The following EVC variants were observed in gnomAD, a reference collection of about 807,000 sequenced individuals.
EVC encodes the protein evC complex member EVC.
In EVC, 116 loss-of-function variants were observed where a neutral mutation model predicts 118.9. That is an observed-to-expected ratio of 0.98 (90% CI 0.84 to 1.14). The LOEUF is 1.14. Among genes scored for constraint, EVC ranks in the 50% most tolerant of loss-of-function variants. EVC has a pLI of 0.00. For synonymous variants in EVC, 619 were observed against 534.7 expected (o/e 1.16, Z -2.18); for missense variants, 1,401 against 1,246.4 (o/e 1.12, Z -1.87).
intron 5 of EVC, among the ~76,000 whole-genome samples, chr4:5,735,008 C>T (rs1436941606): frequency 1.3e-5 from 2 of 152,176 alleles, no homozygotes; most frequent in African/African-American, 2.4e-5. Context: ...CCACAGCCAG[C>T]GAGTGTCCAC....
At chr4:5,766,101 G>C (rs1001288893) in intron 11 of EVC, among the ~76,000 whole-genome samples, 1 of 136,950 alleles carries the variant, frequency 7.3e-6, no homozygotes, top group African/African-American at 2.8e-5. Context: ...CAGGCCTGGT[G>C]GTGACAAAAT....
intron 15 of EVC, 155 bp from the exon 16 acceptor site, chr4:5,801,795 C>G: frequency 2.7e-6 from 2 of 751,962 alleles, no homozygotes; most frequent in Non-Finnish European, 4.6e-6. Context: ...TAGTTTAAAC[C>G]AGCCATGCAC....
At chr4:5,739,899 CAA>C (rs11343689) in intron 5 of EVC, among the ~76,000 whole-genome samples, 219 of 120,512 alleles carry the variant, frequency 1.8e-3, no homozygotes, top group South Asian at 6.1e-3. Flanking sequence ...AACCCCATCT[CAA>C]AAAAAAAAAA....
chr4:5,771,166 G>A (rs1044981673), intron 11 of EVC, among the ~76,000 whole-genome samples: 8 of 152,120 alleles, frequency 5.3e-5, no homozygotes, highest in African/African-American at 1.9e-4. Flanking sequence ...CATTTCTGGA[G>A]GTCAGAAGTC....
At chr4:5,807,827 G>A (rs1716172731) in intron 17 of EVC, among the ~76,000 whole-genome samples, 1 of 152,346 alleles carries the variant, frequency 6.6e-6, no homozygotes, top group South Asian at 2.1e-4. Flanking sequence ...GTTTTCTCAT[G>A]AGAAGATGCC....
chr4:5,717,298 C>G (rs1724127941), intron 1 of EVC, among the ~76,000 whole-genome samples: 1 of 152,120 alleles, frequency 6.6e-6, no homozygotes, highest in South Asian at 2.1e-4. Context: ...GGAATACCTT[C>G]TCTGATCTCT....
intron 12 of EVC, among the ~76,000 whole-genome samples, chr4:5,788,039 C>A (rs1712036232): frequency 6.6e-6 from 1 of 152,160 alleles, no homozygotes; most frequent in African/African-American, 2.4e-5. Context: ...CCCTTCCCAG[C>A]TCCTTAATTT....
chr4:5,819,674 C>T, the EVC span, among the ~76,000 whole-genome samples: 1 of 152,236 alleles, frequency 6.6e-6, no homozygotes, highest in Non-Finnish European at 1.5e-5. Flanking sequence ...GCCCAGAGAA[C>T]AGGCTGGATA....
rs536598022 is a variant in EVC at position 5,740,302 on chromosome 4, C to G, written c.703-1414C>G. Reference sequence around the variant, plus strand: ...CCTGGCCAACATGGTGAAACCTCGTCTCTACTAAAAATACAAAAATTAGCC... The same window carrying G: ...CCTGGCCAACATGGTGAAACCTCGTGTCTACTAAAAATACAAAAATTAGCC... On this transcript the variant is annotated intron_variant, in intron 5 of 20. Coordinates refer to ENST00000264956, the MANE Select transcript of EVC (RefSeq NM_153717.3). Among the ~76,000 whole-genome samples the G allele has an allele frequency of 2.0e-5, 3 of 152,096 alleles. No individual in the cohort carries two copies. In the South Asian group the frequency reaches 6.2e-4, roughly 32 times the overall value.
rs1301384843 is a variant in EVC, at chr4:5,711,376, C to T, written c.-5C>T. ...TGCGGCGGGGCGGCAGCCTGAGCGC[C>T]CCGGATGGCCCGCGGCGGGGCGGCC... On this transcript the variant is annotated 5_prime_UTR_variant, in exon 1 of 21. Coordinates refer to ENST00000264956, the MANE Select transcript of EVC (RefSeq NM_153717.3). 5.9e-6 allele frequency: 6 copies of T among 1,009,770 alleles called. No homozygotes were observed. The highest frequency in any genetic ancestry group is 7.1e-6 in the Non-Finnish European group (6 of 848,070). 62.6% of individuals were successfully genotyped at this position (1,009,770 alleles called of 1,614,324 possible). A position where few individuals can be genotyped will look rare whatever the true frequency, so the allele number is the denominator to read the frequency against.
chr4:5,726,617 T>G (rs1295333570), intron 2 of EVC, among the ~76,000 whole-genome samples: 1 of 147,140 alleles, frequency 6.8e-6, no homozygotes, highest in Non-Finnish European at 1.5e-5. Flanking sequence ...CATGTGCACA[T>G]TGTGCAGGTT....
At chr4:5,816,562 C>G (rs1717705807), downstream of EVC, among the ~76,000 whole-genome samples, 1 of 151,692 alleles carries the variant, frequency 6.6e-6, no homozygotes, top group Non-Finnish European at 1.5e-5. Context: ...CCTTTCTACC[C>G]TCTCTTCACT....
chr4:5,779,743 T>C (rs35439930), intron 11 of EVC, among the ~76,000 whole-genome samples: 58,578 of 116,564 alleles, frequency 0.5, 14,626 homozygotes, highest in African/African-American at 0.65. Context: ...GATTTTGGGC[T>C]GAGACAATGG....
chr4:5,780,760 G>C (rs548145199), intron 11 of EVC, among the ~76,000 whole-genome samples: 2 of 152,188 alleles, frequency 1.3e-5, no homozygotes, highest in Non-Finnish European at 2.9e-5. Flanking sequence ...AGATGACCAG[G>C]TTCAGTGGTT....
chr4:5,816,265 C>T (rs531218356), downstream of EVC, among the ~76,000 whole-genome samples: 1 of 152,290 alleles, frequency 6.6e-6, no homozygotes, highest in East Asian at 1.9e-4. Flanking sequence ...CCGCCTTGTT[C>T]TGGCTGTGGT....
intron 19 of EVC, among the ~76,000 whole-genome samples, chr4:5,809,915 A>G (rs1368235306): frequency 6.6e-6 from 1 of 152,174 alleles, no homozygotes; most frequent in Non-Finnish European, 1.5e-5. Context: ...GCCAGCGACA[A>G]CTTCAGTGAC....
chr4:5,770,464 G>A (rs898470034), intron 11 of EVC, among the ~76,000 whole-genome samples: 1 of 152,176 alleles, frequency 6.6e-6, no homozygotes, highest in African/African-American at 2.4e-5. Context: ...ATTAAGTGCT[G>A]CATGGCACTG....
chr4:5,755,494 C>T lies in EVC; in HGVS notation c.1465-770C>T, dbSNP rs969120159. 6.6e-6 allele frequency among the ~76,000 whole-genome samples: 1 copy of T among 152,170 alleles called. No individual in the cohort carries two copies. Among genetic ancestry groups the T allele is most frequent in the Admixed American group, 6.5e-5 (1 of 15,272 alleles). On this transcript the variant is annotated intron_variant, in intron 10 of 20. Transcript: ENST00000264956. The surrounding 1 kb of genome is among the most constrained non-coding windows in gnomAD (Gnocchi z 4.1). Reference sequence around the variant, plus strand: ...AGGCTCCCAGTACACACTCAGCACCCACCTTTTTCCAGTCCCGCCCTTCTC... The same window carrying T: ...AGGCTCCCAGTACACACTCAGCACCTACCTTTTTCCAGTCCCGCCCTTCTC...
rs148639524 is a variant in EVC at position 5,798,545 on chromosome 4, G to A, written c.2098-41G>A. 1.3e-3 allele frequency: 2,024 copies of A among 1,537,836 alleles called. 21 individuals are homozygous for A. In the African/African-American group the frequency reaches 0.024, roughly 18 times the overall value. On this transcript the variant is annotated intron_variant, in intron 14 of 20. Transcript: ENST00000264956. This position sits in a 1 kb window ranked among gnomAD's most constrained non-coding sequence, Gnocchi z 4.1. ...AGTCCTGGCCAGAGCTTCTCTGTGA[G>A]AGGAGCACTTGGCCCCTGCTCCCAG... is the stretch of plus-strand genomic sequence containing the variant.
Sources: allele counts gnomAD v4.1 joint callset (sites outside exome capture counted in the v4.1 genomes callset), GRCh38; gene constraint gnomAD v4.1.1; non-coding constraint Gnocchi (gnomAD v3.1); transcripts MANE v1.5; gene names NCBI Gene and HGNC (gene_info 2026-07-23, HGNC 2026-07-21).